The following TTC3 variants were observed in gnomAD, a reference collection of about 807,000 sequenced individuals.
TTC3 encodes tetratricopeptide repeat domain 3.
Under a neutral mutation model 249.6 loss-of-function variants are expected in TTC3, and 180 were observed. The ratio of observed to expected loss-of-function variants is 0.72; its 90% CI spans 0.64 to 0.82. TTC3 has a LOEUF of 0.82. Ranked by LOEUF, TTC3 falls within the 40% of genes least tolerant of loss-of-function variation. TTC3 has a pLI of 0.00. For missense variants in TTC3, 2,061 were observed against 2,398.4 expected (o/e 0.86, Z 2.94); for synonymous variants, 717 against 805.0 (o/e 0.89, Z 1.85).
intron 16 of TTC3, among the ~76,000 whole-genome samples, chr21:37,132,353 T>TAC (rs2077541775): frequency 6.7e-6 from 1 of 150,316 alleles, no homozygotes; most frequent in African/African-American, 2.4e-5. Flanking sequence ...TTTTTTTAGA[T>TAC]GGAGTCTTGC....
chr21:37,194,753 G>T lies in TTC3; in HGVS notation c.5218-922G>T, dbSNP rs200729227. The stretch of plus-strand genomic sequence containing the variant: ...TGCGACCTCAGGCATTCACTGGGGG[G>T]TCTCAGAATGTATCCCTGAGGATTA... On this transcript the variant is annotated intron_variant, in intron 41 of 45. Coordinates refer to ENST00000355666, the Ensembl canonical transcript of TTC3. The T allele has an allele frequency of 3.3e-5, 5 of 152,292 alleles. No individual in the cohort carries two copies. The East Asian group carries it at 9.7e-4, about 29-fold the overall frequency. The allele number at this position is 152,292 out of a possible 1,614,324, so 9.4% of individuals were successfully genotyped here. A position where few individuals can be genotyped will look rare whatever the true frequency, so the allele number is the denominator to read the frequency against.
Position 37,104,588 on chromosome 21 carries a change from C to CAAAAAAAAAAAAAAAAA in TTC3, c.846-3799_846-3783dup, listed in dbSNP as rs141618903. 4.8e-3 allele frequency among the ~76,000 whole-genome samples: 496 copies of CAAAAAAAAAAAAAAAAA among 104,246 alleles called. 10 individuals carry two copies. Among genetic ancestry groups the CAAAAAAAAAAAAAAAAA allele is most frequent in the Non-Finnish European group, 6.9e-3 (361 of 52,338 alleles). 68.4% of individuals were successfully genotyped at this position (104,246 alleles called of 152,430 possible). A position where few individuals can be genotyped will look rare whatever the true frequency, so the allele number is the denominator to read the frequency against. On this transcript the variant is annotated intron_variant, in intron 10 of 45. Transcript: ENST00000355666. ...CTCGGCGACGAGCAAAACTCCGTCT[C>CAAAAAAAAAAAAAAAAA]AAAAAAAAAAAAAAAAAAAAAGAAA...
intron 28 of TTC3, chr21:37,157,339 G>A (rs2080199885): frequency 2.2e-6 from 1 of 446,980 alleles, no homozygotes; most frequent in Non-Finnish European, 3.8e-6. Context: ...CTGGGGGTCA[G>A]GAAAAGTAGG....
intron 34 of TTC3, among the ~76,000 whole-genome samples, chr21:37,169,668 T>TA (rs5843810): frequency 1 from 151,413 of 151,424 alleles, 75,701 homozygotes; most frequent in Middle Eastern, 1. Flanking sequence ...GCCAACATAG[T>TA]AAACCCCATC....
intron 14 of TTC3, 98 bp from the exon 15 acceptor site, chr21:37,125,982 T>G: frequency 8.6e-7 from 1 of 1,162,098 alleles, no homozygotes; most frequent in East Asian, 2.5e-5. Context: ...TAGGGTGAAT[T>G]CTATCCTATT....
chr21:37,106,603 G>C (rs2075098946), intron 10 of TTC3, among the ~76,000 whole-genome samples: 2 of 152,138 alleles, frequency 1.3e-5, no homozygotes. Context: ...GATTCATATG[G>C]GCCAGGTGCG....
chr21:37,095,873 C>T (rs1490198355), intron 9 of TTC3, among the ~76,000 whole-genome samples: 1 of 152,230 alleles, frequency 6.6e-6, no homozygotes, highest in East Asian at 1.9e-4. Flanking sequence ...CATACATGCT[C>T]TCTACCTTGT....
At chr21:37,117,001 C>G (rs1056647980) in intron 11 of TTC3, among the ~76,000 whole-genome samples, 3 of 151,886 alleles carry the variant, frequency 2.0e-5, no homozygotes, top group African/African-American at 7.3e-5. Flanking sequence ...CTGCGGATAG[C>G]CTTCATTAGA....
chr21:37,159,962 T>C (rs2080541269), intron 29 of TTC3, among the ~76,000 whole-genome samples: 1 of 152,220 alleles, frequency 6.6e-6, no homozygotes, highest in South Asian at 2.1e-4. Flanking sequence ...AGGCTTAAAT[T>C]AGACAATTTC....
intron 20 of TTC3, among the ~76,000 whole-genome samples, chr21:37,142,027 G>A (rs575997073): frequency 5.3e-5 from 8 of 152,270 alleles, no homozygotes; most frequent in African/African-American, 1.7e-4. Flanking sequence ...TAGATGCAGA[G>A]AAGGCCTTTG....
intron 1 of TTC3, among the ~76,000 whole-genome samples, chr21:37,074,334 G>A (rs917879630): frequency 6.6e-5 from 10 of 152,206 alleles, no homozygotes; most frequent in Non-Finnish European, 1.5e-4. Context: ...CAGAATAGGG[G>A]GATCAAAGAT....
chr21:37,095,420 A>G lies in TTC3; in HGVS notation c.758A>G (p.Tyr253Cys), dbSNP rs201483714. 9.4e-6 allele frequency: 15 copies of G among 1,604,122 alleles called. No homozygotes were observed. Among genetic ancestry groups the G allele is most frequent in the South Asian group, 3.4e-5 (3 of 89,540 alleles). ...GAAAGATTTGATATAGCTATTATCT[A>G]TTACACCAGAGCCATTGAATATAGG... Residue 253 changes from tyrosine (Y) to cysteine (C), a missense_variant, in exon 9 of 46, where the codon TAT becomes TGT. Coordinates refer to ENST00000355666, the Ensembl canonical transcript of TTC3.
At chr21:37,171,520 G>T (rs2148106876) in intron 34 of TTC3, among the ~76,000 whole-genome samples, 1 of 152,226 alleles carries the variant, frequency 6.6e-6, no homozygotes, top group Middle Eastern at 3.4e-3. Flanking sequence ...TGTCTCTGTT[G>T]GTAATTTGGG....
intron 1 of TTC3, among the ~76,000 whole-genome samples, chr21:37,079,279 A>G (rs1261555401): frequency 2.6e-5 from 4 of 152,116 alleles, no homozygotes; most frequent in East Asian, 1.9e-4. Context: ...ACTTTATACC[A>G]TGAGTTAGAG....
chr21:37,132,635 G>T (rs763036604), intron 16 of TTC3, 47 bp from the exon 17 acceptor site: 2 of 1,494,162 alleles, frequency 1.3e-6, no homozygotes, highest in Admixed American at 1.9e-5. Flanking sequence ...TATATGAGTA[G>T]AACTTTTATT....
At chr21:37,202,326 C>T (rs1325137803) in exon 46 of TTC3, 1 of 152,220 alleles carries the variant, frequency 6.6e-6, no homozygotes, top group Non-Finnish European at 1.5e-5. Flanking sequence ...GGCTGTGTGT[C>T]CGTCATCCCA....
intron 10 of TTC3, among the ~76,000 whole-genome samples, chr21:37,104,682 A>ATATTCATG (rs2074902693): frequency 6.6e-6 from 1 of 152,126 alleles, no homozygotes; most frequent in Non-Finnish European, 1.5e-5. Context: ...TGGAACTCAA[A>ATATTCATG]GGAGGGTTTG....
intron 38 of TTC3, 93 bp from the exon 39 acceptor site, chr21:37,188,402 G>A: frequency 1.2e-6 from 1 of 855,702 alleles, no homozygotes; most frequent in Non-Finnish European, 1.8e-6. Context: ...AAGGAGAAAT[G>A]GGAAAGTGGT....
intron 1 of TTC3, chr21:37,083,133 A>C (rs575532357): frequency 3.0e-5 from 30 of 985,282 alleles, no homozygotes; most frequent in Non-Finnish European, 3.3e-5. Flanking sequence ...ACTTGATGGT[A>C]GTGGGAAGAT....
Sources: allele counts gnomAD v4.1 joint callset (sites outside exome capture counted in the v4.1 genomes callset), GRCh38; gene constraint gnomAD v4.1.1; transcripts MANE v1.5; gene names NCBI Gene and HGNC (gene_info 2026-07-23, HGNC 2026-07-21).